The following RNF125 variants were observed in gnomAD, a reference collection of about 807,000 sequenced individuals.
RNF125 encodes E3 ubiquitin-protein ligase RNF125.
Under a neutral mutation model 26.0 loss-of-function variants are expected in RNF125, and 21 were observed. The observed-to-expected ratio is 0.81, with a 90% CI of 0.57 to 1.16. RNF125 has a LOEUF of 1.16. Ranked by LOEUF, RNF125 falls within the 50% of genes most tolerant of loss-of-function variation. RNF125 has a pLI of 0.00. For missense variants in RNF125, 270 were observed against 299.4 expected (o/e 0.90, Z 0.72); for synonymous variants, 95 against 109.2 (o/e 0.87, Z 0.81).
At chr18:32,078,665 TACATC>T in the RNF125 span, among the ~76,000 whole-genome samples, 6 of 151,842 alleles carry the variant, frequency 4.0e-5, no homozygotes, top group Non-Finnish European at 8.8e-5. Context: ...AGAAAAAAAA[TACATC>T]ATTCAGTTTA....
chr18:32,088,912 G>T, the RNF125 span, among the ~76,000 whole-genome samples: 7 of 152,098 alleles, frequency 4.6e-5, no homozygotes, highest in Admixed American at 2.0e-4. Context: ...CTTCATTCTG[G>T]GGGGGAAAGG....
intron 4 of RNF125, among the ~76,000 whole-genome samples, chr18:32,059,264 C>T (rs1365846677): frequency 1.3e-5 from 2 of 152,146 alleles, no homozygotes; most frequent in Non-Finnish European, 2.9e-5. Flanking sequence ...CCCTTTTCTC[C>T]ACATCCTCGT....
At chr18:32,075,680 C>CTAAA (rs2039565256), downstream of RNF125, among the ~76,000 whole-genome samples, 1 of 106,036 alleles carries the variant, frequency 9.4e-6, no homozygotes, top group African/African-American at 3.8e-5. Flanking sequence ...GCAACAAGAG[C>CTAAA]TAAACTCCAT....
chr18:32,083,432 G>A, the RNF125 span, among the ~76,000 whole-genome samples: 1 of 152,318 alleles, frequency 6.6e-6, no homozygotes, highest in African/African-American at 2.4e-5. Flanking sequence ...TGAACTTCAT[G>A]TATAGAAAGA....
intron 4 of RNF125, among the ~76,000 whole-genome samples, chr18:32,060,691 C>A (rs2039426450): frequency 6.6e-6 from 1 of 152,192 alleles, no homozygotes; most frequent in Admixed American, 6.5e-5. Flanking sequence ...ATTTCTTTCT[C>A]CTTCCTATTC....
At chr18:32,065,492 T>C (rs780295198) in intron 4 of RNF125, among the ~76,000 whole-genome samples, 5 of 152,044 alleles carry the variant, frequency 3.3e-5, no homozygotes, top group Admixed American at 6.6e-5. Flanking sequence ...CGCCTCAACC[T>C]CCCAAAATGT....
chr18:32,081,075 T>C, the RNF125 span, among the ~76,000 whole-genome samples: 1 of 149,882 alleles, frequency 6.7e-6, no homozygotes, highest in African/African-American at 2.5e-5. Context: ...AAGCCTATAA[T>C]CCCAGCTACT....
At chr18:32,079,226 GGAGA>G in the RNF125 span, among the ~76,000 whole-genome samples, 1 of 152,142 alleles carries the variant, frequency 6.6e-6, no homozygotes. Flanking sequence ...TGGTGGGGAG[GGAGA>G]GAAAGAGAGA....
the RNF125 span, among the ~76,000 whole-genome samples, chr18:32,087,511 C>G: frequency 6.6e-6 from 1 of 151,652 alleles, no homozygotes; most frequent in African/African-American, 2.4e-5. Context: ...TAGAGGACAC[C>G]CATTTGCTGT....
downstream of RNF125, among the ~76,000 whole-genome samples, chr18:32,075,483 C>T (rs746081091): frequency 2.0e-5 from 3 of 152,068 alleles, no homozygotes; most frequent in Non-Finnish European, 4.4e-5. Flanking sequence ...CACCTGAGGT[C>T]GGGAGTTCAA....
intron 4 of RNF125, among the ~76,000 whole-genome samples, chr18:32,054,086 CTTTT>C (rs35616121): frequency 8.8e-4 from 78 of 88,360 alleles, no homozygotes; most frequent in Non-Finnish European, 1.4e-3. Context: ...GACATTTGTA[CTTTT>C]TTTTTTTTTT....
chr18:32,090,653 C>T, the RNF125 span, among the ~76,000 whole-genome samples: 1 of 152,190 alleles, frequency 6.6e-6, no homozygotes, highest in African/African-American at 2.4e-5. Flanking sequence ...AAATTTAATA[C>T]TTTGGCAAAT....
chr18:32,055,708 T>C (rs1021363706), intron 4 of RNF125, among the ~76,000 whole-genome samples: 1 of 151,858 alleles, frequency 6.6e-6, no homozygotes, highest in Non-Finnish European at 1.5e-5. Flanking sequence ...AGGCCAGGTG[T>C]GGTGGCTCAT....
intron 3 of RNF125, 70 bp from the exon 4 acceptor site, chr18:32,045,572 A>G (rs28605827): frequency 6.3e-5 from 66 of 1,046,210 alleles, no homozygotes; most frequent in Admixed American, 9.0e-5. Context: ...AAAAAAAAAA[A>G]GAAAAAAAAA....
the RNF125 span, among the ~76,000 whole-genome samples, chr18:32,089,494 A>G: frequency 6.6e-6 from 1 of 152,246 alleles, no homozygotes; most frequent in African/African-American, 2.4e-5. Context: ...TCTAATGACC[A>G]AAGGCTGAGG....
the RNF125 span, among the ~76,000 whole-genome samples, chr18:32,082,189 T>C: frequency 6.6e-6 from 1 of 151,288 alleles, no homozygotes; most frequent in Non-Finnish European, 1.5e-5. Context: ...TGGTATTCAG[T>C]ACATTACACT....
intron 4 of RNF125, among the ~76,000 whole-genome samples, chr18:32,063,427 G>A (rs928768598): frequency 6.6e-6 from 1 of 152,098 alleles, no homozygotes; most frequent in African/African-American, 2.4e-5. Context: ...AATACCAAAT[G>A]TTGGGGAAAA....
At chr18:32,033,865 T>C (rs964596317) in intron 1 of RNF125, among the ~76,000 whole-genome samples, 4 of 151,874 alleles carry the variant, frequency 2.6e-5, no homozygotes, top group Non-Finnish European at 5.9e-5. Flanking sequence ...AAAGGTGTTT[T>C]CCCCACATCA....
chr18:32,075,820 TTTG>T (rs1023674245), downstream of RNF125: 78 of 655,768 alleles, frequency 1.2e-4, no homozygotes, highest in South Asian at 1.5e-4. Flanking sequence ...CATTGTTTTC[TTTG>T]TTGTTGTTGT....
Sources: allele counts gnomAD v4.1 joint callset (sites outside exome capture counted in the v4.1 genomes callset), GRCh38; gene constraint gnomAD v4.1.1; transcripts MANE v1.5; gene names NCBI Gene and HGNC (gene_info 2026-07-23, HGNC 2026-07-21).